DNAAF5: variants seen among roughly 807,000 people sequenced by gnomAD.
DNAAF5 encodes the protein HEAT repeat containing 2.
Under a neutral mutation model 75.8 loss-of-function variants are expected in DNAAF5, and 64 were observed. The observed-to-expected ratio is 0.84, with a 90% CI of 0.69 to 1.04. The LOEUF is 1.04. DNAAF5 is among the 50% of genes least tolerant of loss of function. The pLI is 0.00. For missense variants in DNAAF5, 1,269 were observed against 1,178.5 expected (o/e 1.08, Z -1.12); for synonymous variants, 657 against 557.2 (o/e 1.18, Z -2.52).
intron 6 of DNAAF5, among the ~76,000 whole-genome samples, chr7:759,394 G>A (rs1782578402): frequency 1.3e-5 from 2 of 152,156 alleles, no homozygotes; most frequent in Non-Finnish European, 2.9e-5. Context: ...TCCTGGGAAG[G>A]AGTTTAGGAC....
In DNAAF5 at chr7:763,906, C is replaced by A; in HGVS notation, c.1715C>A (p.Ala572Glu). ...HIGPLLERVT[A>E]SHLDWTAHSP... ...GGTCCCCTCCTGGAGCGGGTGACCGCGTCGCACCTTGACTGGACCGCACAC... is the reference window on the plus strand; with the variant it reads ...GGTCCCCTCCTGGAGCGGGTGACCGAGTCGCACCTTGACTGGACCGCACAC... Residue 572 changes from alanine (A) to glutamate (E), a missense_variant, in exon 8 of 13, where the codon GCG (alanine) becomes GAG (glutamate). Ala to Glu is a moderately radical substitution (Grantham distance 107). Transcript: ENST00000297440. 1.2e-6 allele frequency: 2 copies of A among 1,612,168 alleles called. No individual in the cohort carries two copies. The highest frequency in any genetic ancestry group is 1.7e-6 in the Non-Finnish European group (2 of 1,180,040).
Position 740,863 on chromosome 7 carries a change from T to G in DNAAF5, c.825T>G (p.Cys275Trp). ...VASVVGGWLL[C>W]LRDRYSFFHK... ...CCGTGGTGGGCGGCTGGCTGCTGTG[T>G]CTGCGTGACCGTTACTCCTTCTTCC... The change falls in exon 3 of 13, where the codon TGT (cysteine) becomes TGG (tryptophan). Residue 275 changes from cysteine (C) to tryptophan (W), a missense_variant. Cys to Trp is a radical substitution (Grantham distance 215). Coordinates refer to ENST00000297440, the MANE Select transcript of DNAAF5 (RefSeq NM_017802.4). The G allele has an allele frequency of 1.2e-6, 2 of 1,614,064 alleles. No individual in the cohort carries two copies. Among genetic ancestry groups the G allele is most frequent in the Non-Finnish European group, 1.7e-6 (2 of 1,180,022 alleles).
chr7:785,474 A>G lies in DNAAF5; in HGVS notation c.2432-43A>G. On this transcript the variant is annotated intron_variant, in intron 12 of 12. Transcript: ENST00000297440. ...TTGCACGAGAGGTAAGATTGGTTTC[A>G]TGTTTGTTTCTGGCATGTTCAAGGT... 3 of 1,601,300 alleles carry G rather than the reference A, an allele frequency of 1.9e-6. 1 individual carries two copies. The highest frequency in any genetic ancestry group is 1.7e-6 in the Non-Finnish European group (2 of 1,170,244).
At chr7:746,687 C>A (rs1019948903) in intron 4 of DNAAF5, among the ~76,000 whole-genome samples, 3 of 151,974 alleles carry the variant, frequency 2.0e-5, no homozygotes, top group Admixed American at 2.0e-4. Context: ...CCTGCCACCC[C>A]CTGCCCACCC....
intron 6 of DNAAF5, among the ~76,000 whole-genome samples, chr7:759,363 C>G (rs565460666): frequency 6.6e-6 from 1 of 152,224 alleles, no homozygotes. Flanking sequence ...CCCTAGAGCT[C>G]GACAGACGGG....
At chr7:740,993 A>G in intron 3 of DNAAF5, 50 bp downstream of exon 3, 1 of 1,595,342 alleles carries the variant, frequency 6.3e-7, no homozygotes, top group Non-Finnish European at 8.5e-7. Flanking sequence ...GGTCATGTGT[A>G]GCAGTGGTGG....
rs144405450 is a variant in DNAAF5 at position 761,781 on chromosome 7, G to C, written c.1499G>C (p.Cys500Ser). ...NDLYLERLLL[C>S]VQALVSVCHE... ...CTCTACCTGGAGCGCCTGCTGCTGT[G>C]TGTGCAGGCTCTGGTGTCTGTGTGT... is the stretch of plus-strand genomic sequence containing the variant. Residue 500 changes from cysteine to serine, a missense_variant, in exon 7 of 13, where the codon TGT (cysteine) becomes TCT (serine). By Grantham distance (112) the Cys-to-Ser change is moderately radical. Transcript: ENST00000297440. 6.2e-7 allele frequency: 1 copy of C among 1,608,784 alleles called. No homozygotes were observed. The highest frequency in any genetic ancestry group is 8.5e-7 in the Non-Finnish European group (1 of 1,177,774).
intron 12 of DNAAF5, among the ~76,000 whole-genome samples, chr7:782,228 G>C (rs202230388): frequency 6.1e-5 from 6 of 99,078 alleles, no homozygotes; most frequent in African/African-American, 2.0e-4. Flanking sequence ...GCCTCCCGTC[G>C]CGCGGCGTCA....
intron 10 of DNAAF5, among the ~76,000 whole-genome samples, chr7:774,540 G>C (rs1003646069): frequency 1.5e-5 from 2 of 137,780 alleles, no homozygotes; most frequent in African/African-American, 5.2e-5. Context: ...CCAGGCCAGA[G>C]GACGGGCCTG....
chr7:758,160 TCTC>T (rs1782546079), intron 6 of DNAAF5, among the ~76,000 whole-genome samples: 1 of 152,210 alleles, frequency 6.6e-6, no homozygotes, highest in African/African-American at 2.4e-5. Context: ...GTGTGTCAGT[TCTC>T]CACTTTCCTT....
intron 9 of DNAAF5, chr7:771,517 C>G (rs189634622): frequency 6.6e-6 from 1 of 152,296 alleles, no homozygotes; most frequent in Non-Finnish European, 1.5e-5. Flanking sequence ...AGAGTCCAGG[C>G]GCTCAGACTT....
chr7:779,298 G>A (rs1778860627), intron 11 of DNAAF5, among the ~76,000 whole-genome samples: 1 of 152,206 alleles, frequency 6.6e-6, no homozygotes, highest in Admixed American at 6.5e-5. Context: ...ATGGGCAGCT[G>A]CCCCTCCCAG....
At chr7:779,140 C>T (rs766397330) in intron 11 of DNAAF5, among the ~76,000 whole-genome samples, 7 of 152,256 alleles carry the variant, frequency 4.6e-5, no homozygotes, top group Non-Finnish European at 8.8e-5. Context: ...TACATAGGAT[C>T]CTCTTGCTGA....
chr7:756,759 T>G lies in DNAAF5; in HGVS notation c.1258-23T>G, dbSNP rs761095370. ...GAGACCCTCGGGTTTGGCTCTGAGT[T>G]TTCTCATGTTTCTTTCTCGCAGTGT... On this transcript the variant is annotated intron_variant, in intron 5 of 12. Coordinates refer to ENST00000297440, the MANE Select transcript of DNAAF5 (RefSeq NM_017802.4). 1.4e-5 allele frequency: 22 copies of G among 1,606,906 alleles called. 1 individual carries two copies. The South Asian group carries it at 2.3e-4, about 17-fold the overall frequency.
intron 12 of DNAAF5, among the ~76,000 whole-genome samples, chr7:782,151 C>G (rs1348748218): frequency 6.6e-6 from 1 of 152,116 alleles, no homozygotes; most frequent in African/African-American, 2.4e-5. Flanking sequence ...GTCAGAAACT[C>G]GGATCTTCGC....
intron 12 of DNAAF5, among the ~76,000 whole-genome samples, chr7:784,666 A>C (rs1779093245): frequency 6.6e-6 from 1 of 152,020 alleles, no homozygotes; most frequent in African/African-American, 2.4e-5. Flanking sequence ...CTCCGTAAGC[A>C]TGGGTTCATT....
Position 785,602 on chromosome 7 carries a change from C to A in DNAAF5, c.2517C>A (p.Thr839=). 6.2e-7 allele frequency: 1 copy of A among 1,613,258 alleles called. No homozygotes were observed. The highest frequency in any genetic ancestry group is 8.5e-7 in the Non-Finnish European group (1 of 1,180,032). Residue 839 remains threonine, a synonymous_variant, in exon 13 of 13, where the codon ACC becomes ACA. Coordinates refer to ENST00000297440, the MANE Select transcript of DNAAF5 (RefSeq NM_017802.4). ...TCATCCACAAGCACCGCTCGGCCAC[C>A]TACTGCGAGCAGCTCCTGCAGCATG... ...EAVIHKHRSA[T]YCEQLLQHVQ...
chr7:753,109 T>C (rs776498738), intron 4 of DNAAF5, among the ~76,000 whole-genome samples: 8 of 152,126 alleles, frequency 5.3e-5, no homozygotes, highest in Non-Finnish European at 8.8e-5. Flanking sequence ...CTTTGGAAAA[T>C]GGTTGGACAG....
chr7:742,038 G>A (rs551709551), intron 4 of DNAAF5, among the ~76,000 whole-genome samples: 5 of 152,306 alleles, frequency 3.3e-5, no homozygotes, highest in Admixed American at 1.3e-4. Context: ...GCATCTCTCC[G>A]CAGAGCCCAG....
Sources: gnomAD v4.1 joint callset for allele counts (sites outside exome capture counted in the v4.1 genomes callset) on GRCh38, gnomAD v4.1.1 for gene constraint, MANE v1.5 for transcripts, NCBI Gene and HGNC (gene_info 2026-07-23, HGNC 2026-07-21) for gene names.